Variants in CNOT6 observed in about 807,000 individuals in gnomAD.
The protein encoded by CNOT6 is carbon catabolite repression 4 protein.
A neutral mutation model predicts 61.2 loss-of-function variants in CNOT6; 12 were observed. That is an observed-to-expected ratio of 0.20 (90% CI 0.13 to 0.32). CNOT6 has a LOEUF of 0.32. Ranked by LOEUF, CNOT6 falls within the 10% of genes least tolerant of loss-of-function variation. The pLI, the probability that CNOT6 is intolerant of heterozygous loss-of-function variation, is 1.00. For missense variants in CNOT6, 405 were observed against 663.9 expected, an observed-to-expected ratio of 0.61 and a Z score of 4.28; for synonymous variants, 225 against 240.6, an observed-to-expected ratio of 0.94 and a Z score of 0.60.
chr5:180,506,309 C>T (rs1416328454), intron 1 of CNOT6, among the ~76,000 whole-genome samples: 2 of 152,168 alleles, frequency 1.3e-5, no homozygotes, highest in African/African-American at 2.4e-5. Context: ...AGCACAAACT[C>T]GAATCAGACT....
intron 1 of CNOT6, among the ~76,000 whole-genome samples, chr5:180,521,825 T>C (rs760219698): frequency 2.6e-5 from 4 of 152,244 alleles, no homozygotes; most frequent in Non-Finnish European, 4.4e-5. Flanking sequence ...TCACTTAGGA[T>C]AATAGCCTCC....
chr5:180,520,804 G>A (rs1182515589), intron 1 of CNOT6, among the ~76,000 whole-genome samples: 2 of 151,824 alleles, frequency 1.3e-5, no homozygotes, highest in African/African-American at 2.4e-5. Context: ...CTTTCCAAGA[G>A]TGTGTTTAAC....
At chr5:180,533,441 C>G (rs750393953) in intron 2 of CNOT6, among the ~76,000 whole-genome samples, 1 of 151,734 alleles carries the variant, frequency 6.6e-6, no homozygotes, top group Non-Finnish European at 1.5e-5. Flanking sequence ...AGGTCTTGCT[C>G]TGTTGCCCAG....
At chr5:180,556,205 G>A (rs905186066) in intron 4 of CNOT6, among the ~76,000 whole-genome samples, 1 of 152,144 alleles carries the variant, frequency 6.6e-6, no homozygotes, top group African/African-American at 2.4e-5. Flanking sequence ...TATGTGTGAA[G>A]TCTTTAAAAG....
At chr5:180,511,715 A>C (rs1346484715) in intron 1 of CNOT6, among the ~76,000 whole-genome samples, 1 of 151,928 alleles carries the variant, frequency 6.6e-6, no homozygotes, top group African/African-American at 2.4e-5. Flanking sequence ...GCAGTGAGCC[A>C]TGATTGTGCT....
chr5:180,511,295 T>C (rs1757379829), intron 1 of CNOT6, among the ~76,000 whole-genome samples: 1 of 150,460 alleles, frequency 6.6e-6, no homozygotes, highest in Non-Finnish European at 1.5e-5. Context: ...CTGGGCAACA[T>C]GGTGAAACCT....
intron 1 of CNOT6, among the ~76,000 whole-genome samples, chr5:180,524,616 T>C (rs1758014649): frequency 6.6e-6 from 1 of 152,134 alleles, no homozygotes; most frequent in African/African-American, 2.4e-5. Context: ...TAGGTGGAAA[T>C]CAAGACTGTT....
chr5:180,568,101 C>A, intron 9 of CNOT6, 98 bp downstream of exon 9: 1 of 1,224,714 alleles, frequency 8.2e-7, no homozygotes, highest in Non-Finnish European at 1.1e-6. Context: ...ATGGTCTTGT[C>A]TAACACCTGA....
In CNOT6 at chr5:180,550,464, CAAAA is replaced by C. The variant is rs1329019095; in HGVS notation, c.299+351_299+354del. On this transcript the variant is annotated intron_variant, in intron 3 of 11. Transcript: ENST00000261951. ...GAGTCCATCTCAAAAAAAACAAAAA[CAAAA>C]AAACATTTGTTGTGTTAGGAAACAA... Among the ~76,000 whole-genome samples, 6 of 151,868 alleles carry C rather than the reference CAAAA, an allele frequency of 4.0e-5. No individual in the cohort carries two copies. In the South Asian group the frequency reaches 6.2e-4, roughly 16 times the overall value.
intron 2 of CNOT6, among the ~76,000 whole-genome samples, chr5:180,539,694 A>G (rs181449757): frequency 0.019 from 2,852 of 148,168 alleles, 38 homozygotes; most frequent in Non-Finnish European, 0.027. Flanking sequence ...GGTTCACGCC[A>G]TTCTCCTACC....
chr5:180,503,030 T>C (rs1468845404), intron 1 of CNOT6, among the ~76,000 whole-genome samples: 1 of 152,134 alleles, frequency 6.6e-6, no homozygotes, highest in Admixed American at 6.6e-5. Context: ...ATGGAAACTA[T>C]AGAAACTCAA....
intron 1 of CNOT6, among the ~76,000 whole-genome samples, chr5:180,499,594 G>A (rs1039682842): frequency 2.0e-5 from 3 of 152,192 alleles, no homozygotes; most frequent in Non-Finnish European, 4.4e-5. Context: ...TTGCAGAATC[G>A]TGCAGTAGAA....
intron 3 of CNOT6, 90 bp from the exon 4 acceptor site, chr5:180,553,295 AG>A: frequency 1.3e-6 from 1 of 759,716 alleles, no homozygotes; most frequent in Admixed American, 2.6e-5. Flanking sequence ...TTTCATTCTT[AG>A]GTGCTTATGT....
intron 4 of CNOT6, among the ~76,000 whole-genome samples, chr5:180,561,357 TG>T (rs1760176036): frequency 2.8e-4 from 1 of 3,530 alleles, no homozygotes; most frequent in Non-Finnish European, 1.0e-3. Flanking sequence ...TTGTGTGTTT[TG>T]TGTGTGTGTG....
chr5:180,558,524 A>G (rs1438750653), intron 4 of CNOT6, among the ~76,000 whole-genome samples: 1 of 151,260 alleles, frequency 6.6e-6, no homozygotes, highest in Non-Finnish European at 1.5e-5. Flanking sequence ...AAAAAAAACA[A>G]AAAACCTGCT....
rs899442779 is a variant in CNOT6, at chr5:180,575,958, C to T, written c.*1758C>T. Reference sequence around the variant, plus strand: ...TTGATGTTGAATCTTGGTCTTGGACCTGTTTTTTCCTTTGAGGGTTTTTTG... The same window carrying T: ...TTGATGTTGAATCTTGGTCTTGGACTTGTTTTTTCCTTTGAGGGTTTTTTG... On this transcript the variant is annotated 3_prime_UTR_variant, in exon 12 of 12. Transcript: ENST00000261951. 6.6e-6 allele frequency: 1 copy of T among 151,756 alleles called. No homozygotes were observed. Among genetic ancestry groups the T allele is most frequent in the Non-Finnish European group, 1.5e-5 (1 of 67,928 alleles). 9.4% of individuals were successfully genotyped at this position (151,756 alleles called of 1,614,324 possible).
At chr5:180,509,504 C>T (rs564945635) in intron 1 of CNOT6, among the ~76,000 whole-genome samples, 322 of 151,910 alleles carry the variant, frequency 2.1e-3, no homozygotes, top group African/African-American at 7.0e-3. Flanking sequence ...AGTGCAATGG[C>T]GGATTCTCGT....
chr5:180,565,955 A>T lies in CNOT6; in HGVS notation c.695A>T (p.Asn232Ile). 6.2e-7 allele frequency: 1 copy of T among 1,613,702 alleles called. No individual in the cohort carries two copies. Among genetic ancestry groups the T allele is most frequent in the South Asian group, 1.1e-5 (1 of 90,980 alleles). ...ATTATTCAAGAAATCTTGAGCTGCA[A>T]TGCTGATATCGTAAGTCTTCAGGTA... is the stretch of plus-strand genomic sequence containing the variant. ...KAIIQEILSC[N>I]ADIVSLQEVE... The change falls in exon 7 of 12, where the codon AAT becomes ATT. Residue 232 changes from asparagine to isoleucine, a missense_variant. Transcript: ENST00000261951.
intron 2 of CNOT6, among the ~76,000 whole-genome samples, chr5:180,549,635 C>T (rs184606693): frequency 1.3e-5 from 2 of 151,078 alleles, no homozygotes; most frequent in African/African-American, 4.9e-5. Flanking sequence ...GGCAACAGAG[C>T]GAGACTCCGT....
Sources: allele counts gnomAD v4.1 joint callset (sites outside exome capture counted in the v4.1 genomes callset), GRCh38; gene constraint gnomAD v4.1.1; transcripts MANE v1.5; gene names NCBI Gene and HGNC (gene_info 2026-07-23, HGNC 2026-07-21).